Variants in ATP5F1A observed in about 807,000 individuals in gnomAD.
ATP5F1A encodes ATP synthase F1 subunit alpha, also known as ATP synthase F(1) complex subunit alpha, mitochondrial.
ATP5F1A carries 24 observed loss-of-function variants against 57.4 expected under a neutral mutation model. That is an observed-to-expected ratio of 0.42 (90% CI 0.30 to 0.59). The LOEUF is 0.59. ATP5F1A is among the 20% of genes least tolerant of loss of function. The probability of loss-of-function intolerance (pLI) is 0.19; values close to 1 mark genes in which losing one functional copy is unlikely to be tolerated. For missense variants in ATP5F1A, 494 were observed against 707.9 expected (o/e 0.70, Z 3.43); for synonymous variants, 251 against 255.5 (o/e 0.98, Z 0.17).
At chr18:46,103,527 G>A (rs1363002187) in intron 1 of ATP5F1A, among the ~76,000 whole-genome samples, 2 of 149,174 alleles carry the variant, frequency 1.3e-5, no homozygotes, top group African/African-American at 5.0e-5. Context: ...CTTGAACCCG[G>A]GAAGCAGAGG....
Position 46,087,123 on chromosome 18 carries a change from T to C in ATP5F1A, c.1061A>G (p.Lys354Arg). ...LHSRLLERAAKMNDAFGGGSL... is the reference protein window; with the variant it reads ...LHSRLLERAARMNDAFGGGSL... Reference sequence around the variant, plus strand: ...GCCACCACCAAAAGCATCGTTCATTTTGGCTGCTCTCTCCAGCAACCGGGA... The same window carrying C: ...GCCACCACCAAAAGCATCGTTCATTCTGGCTGCTCTCTCCAGCAACCGGGA... The change falls in exon 8 of 12, where the codon AAA (lysine) becomes AGA (arginine). Residue 354 changes from lysine to arginine, a missense_variant. Lys to Arg is a conservative substitution (Grantham distance 26). Coordinates refer to ENST00000398752, the MANE Select transcript of ATP5F1A (RefSeq NM_004046.6). 1 of 1,614,128 alleles carries C rather than the reference T, an allele frequency of 6.2e-7. No individual in the cohort carries two copies. The highest frequency in any genetic ancestry group is 8.5e-7 in the Non-Finnish European group (1 of 1,179,956).
At chr18:46,098,017 G>T in intron 1 of ATP5F1A, 155 bp downstream of exon 1, 1 of 1,417,524 alleles carries the variant, frequency 7.1e-7, no homozygotes, top group South Asian at 1.5e-5. Flanking sequence ...AAGGGCACCT[G>T]TGTCGCCTGC....
At chr18:46,104,216 G>T in exon 1 of ATP5F1A, 1 of 421,094 alleles carries the variant, frequency 2.4e-6, no homozygotes. Context: ...GCAACGAAGC[G>T]AGGCTTGCAA....
intron 3 of ATP5F1A, among the ~76,000 whole-genome samples, chr18:46,090,331 G>A (rs1191224541): frequency 6.6e-6 from 1 of 152,134 alleles, no homozygotes; most frequent in Non-Finnish European, 1.5e-5. Context: ...TGGGCTGGGT[G>A]ATCAGTATGA....
chr18:46,097,871 G>A (rs1001954329), intron 1 of ATP5F1A: 2 of 1,202,566 alleles, frequency 1.7e-6, no homozygotes, highest in Non-Finnish European at 2.1e-6. Flanking sequence ...TAGCGCCCAA[G>A]CCCTGACCTT....
chr18:46,081,329 C>T lies in ATP5F1A; in HGVS notation c.*2953G>A, dbSNP rs972013067. On this transcript the variant is annotated 3_prime_UTR_variant, in exon 12 of 12. Transcript: ENST00000398752. ...AATAAATTAATTCCAATCCATTAGC[C>T]AAAGTATTTTTCTCCAAAGTAGTAA... 2.0e-5 allele frequency: 3 copies of T among 150,902 alleles called. No individual in the cohort carries two copies. Among genetic ancestry groups the T allele is most frequent in the Admixed American group, 6.7e-5 (1 of 15,004 alleles). 9.3% of individuals were successfully genotyped at this position (150,902 alleles called of 1,614,324 possible). A position where few individuals can be genotyped will look rare whatever the true frequency, so the allele number is the denominator to read the frequency against.
chr18:46,090,811 T>C (rs1910500615), intron 3 of ATP5F1A, among the ~76,000 whole-genome samples: 3 of 152,234 alleles, frequency 2.0e-5, no homozygotes, highest in Non-Finnish European at 2.9e-5. Context: ...AGTGATAGTA[T>C]AGTAGGTACC....
At chr18:46,095,019 T>G (rs1312585802) in intron 2 of ATP5F1A, 34 bp downstream of exon 2, 1 of 1,559,896 alleles carries the variant, frequency 6.4e-7, no homozygotes, top group South Asian at 1.2e-5. Flanking sequence ...CTTCATCTAG[T>G]AAGTGCGGCG....
At chr18:46,090,180 G>T (rs1017321849) in intron 3 of ATP5F1A, among the ~76,000 whole-genome samples, 184 bp from the exon 4 acceptor site, 1 of 152,110 alleles carries the variant, frequency 6.6e-6, no homozygotes, top group African/African-American at 2.4e-5. Flanking sequence ...TTTTAAAATT[G>T]CTATTTTGAA....
At chr18:46,097,757 T>A (rs1340233528) in intron 1 of ATP5F1A, 1 of 953,790 alleles carries the variant, frequency 1.0e-6, no homozygotes, top group Non-Finnish European at 1.3e-6. Context: ...CTCCACTGAC[T>A]AGCTTCAACA....
intron 2 of ATP5F1A, chr18:46,093,371 G>GA (rs546053935): frequency 0.012 from 1,451 of 123,808 alleles, 15 homozygotes; most frequent in African/African-American, 0.026. Flanking sequence ...CTCTACTAAG[G>GA]AAAAAAAAAA....
upstream of ATP5F1A, chr18:46,098,479 G>A: frequency 8.1e-7 from 1 of 1,233,086 alleles, no homozygotes; most frequent in Non-Finnish European, 1.1e-6. Flanking sequence ...TTCCGGCTTT[G>A]GTCCTGGCAT....
upstream of ATP5F1A, chr18:46,099,175 G>T (rs1911188700): frequency 6.6e-6 from 1 of 152,196 alleles, no homozygotes; most frequent in Non-Finnish European, 1.5e-5. Flanking sequence ...TCCAGAATCA[G>T]AAGTTTACAC....
At chr18:46,098,096 A>G (rs1425515932) in intron 1 of ATP5F1A, 76 bp downstream of exon 1, 1 of 1,517,208 alleles carries the variant, frequency 6.6e-7, no homozygotes, top group East Asian at 2.4e-5. Context: ...CCTCCTGCAG[A>G]GAGCGCCCGA....
At chr18:46,098,907 C>G (rs1393153368), upstream of ATP5F1A, among the ~76,000 whole-genome samples, 1 of 152,156 alleles carries the variant, frequency 6.6e-6, no homozygotes, top group Non-Finnish European at 1.5e-5. Context: ...CTAAAAGAAT[C>G]CTGTCAGTGA....
chr18:46,098,050 G>T (rs750763347), intron 1 of ATP5F1A, 122 bp downstream of exon 1: 3 of 1,435,174 alleles, frequency 2.1e-6, no homozygotes, highest in South Asian at 1.5e-5. Context: ...GAGAAGCCAC[G>T]GGTGCAAGAT....
At chr18:46,085,960 A>G in intron 10 of ATP5F1A, 153 bp downstream of exon 10, 1 of 899,620 alleles carries the variant, frequency 1.1e-6, no homozygotes, top group African/African-American at 1.7e-5. Context: ...CAAAAATCAA[A>G]AAACAAATGT....
At chr18:46,098,992 G>C (rs1911179256), upstream of ATP5F1A, among the ~76,000 whole-genome samples, 1 of 152,168 alleles carries the variant, frequency 6.6e-6, no homozygotes, top group Admixed American at 6.5e-5. Context: ...TACATGCGGA[G>C]CTTAATACCT....
At chr18:46,102,638 T>C (rs772217094), upstream of ATP5F1A, among the ~76,000 whole-genome samples, 49 of 152,082 alleles carry the variant, frequency 3.2e-4, no homozygotes, top group Non-Finnish European at 6.0e-4. Context: ...CAGAGATATG[T>C]TTGAAGCAAA....
Sources: allele counts gnomAD v4.1 joint callset (sites outside exome capture counted in the v4.1 genomes callset), GRCh38; gene constraint gnomAD v4.1.1; transcripts MANE v1.5; gene names NCBI Gene and HGNC (gene_info 2026-07-23, HGNC 2026-07-21).